The following SYT1 variants were observed in gnomAD, a reference collection of about 807,000 sequenced individuals.
The protein encoded by SYT1 is synaptotagmin-1.
SYT1 carries 8 observed loss-of-function variants against 44.8 expected under a neutral mutation model. That is an observed-to-expected ratio of 0.18 (90% confidence interval 0.10 to 0.32). The LOEUF (loss-of-function observed/expected upper bound fraction) is 0.32, where lower values mean the gene tolerates loss of function less well. SYT1 is among the 10% of genes least tolerant of loss of function. SYT1 has a pLI of 1.00. For synonymous variants in SYT1, 154 were observed against 188.8 expected, an observed-to-expected ratio of 0.82 and a Z score of 1.51; for missense variants, 286 against 509.3, an observed-to-expected ratio of 0.56 and a Z score of 4.22.
chr12:79,066,949 A>C (rs2137879678), intron 3 of SYT1, among the ~76,000 whole-genome samples: 1 of 152,212 alleles, frequency 6.6e-6, no homozygotes, highest in Non-Finnish European at 1.5e-5. Context: ...AAACCTTAAA[A>C]TTTTCAGGGA....
intron 3 of SYT1, among the ~76,000 whole-genome samples, chr12:79,084,068 C>A (rs1877221016): frequency 6.6e-6 from 1 of 152,070 alleles, no homozygotes; most frequent in South Asian, 2.1e-4. Flanking sequence ...GCTTTGAGAT[C>A]AGGTGTGGAG....
chr12:78,986,120 AC>A (rs1334151696), intron 2 of SYT1, among the ~76,000 whole-genome samples: 3 of 152,054 alleles, frequency 2.0e-5, no homozygotes, highest in Non-Finnish European at 4.4e-5. Flanking sequence ...ACTAGGAAGT[AC>A]ATTCAAACGG....
chr12:79,003,731 A>G (rs1870894651), intron 2 of SYT1, among the ~76,000 whole-genome samples: 1 of 151,898 alleles, frequency 6.6e-6, no homozygotes. Flanking sequence ...TGTTTTCTCA[A>G]TTTGTAAGTG....
chr12:79,227,454 A>G (rs2138602399), intron 4 of SYT1, among the ~76,000 whole-genome samples: 1 of 152,224 alleles, frequency 6.6e-6, no homozygotes, highest in Non-Finnish European at 1.5e-5. Flanking sequence ...GAGCTTCTTG[A>G]AGTAGAGTGC....
chr12:79,066,124 C>A (rs888898148), intron 3 of SYT1, among the ~76,000 whole-genome samples: 1 of 152,094 alleles, frequency 6.6e-6, no homozygotes, highest in Admixed American at 6.6e-5. Context: ...ACACACATAT[C>A]ATCCACCCAC....
At chr12:79,098,993 A>C (rs1878301072) in intron 3 of SYT1, among the ~76,000 whole-genome samples, 1 of 152,188 alleles carries the variant, frequency 6.6e-6, no homozygotes, top group Admixed American at 6.6e-5. Flanking sequence ...AATAATTCCA[A>C]AAAATGCAGC....
intron 1 of SYT1, among the ~76,000 whole-genome samples, chr12:78,966,572 G>A (rs1197726155): frequency 6.6e-6 from 1 of 152,110 alleles, no homozygotes; most frequent in African/African-American, 2.4e-5. Flanking sequence ...TTCAAAAGAT[G>A]TATGGCAAAC....
intron 8 of SYT1, among the ~76,000 whole-genome samples, chr12:79,309,219 C>G (rs113077467): frequency 9.2e-5 from 14 of 152,178 alleles, no homozygotes; most frequent in Admixed American, 6.5e-5. Context: ...TACTCCAAAA[C>G]ATTTTTGTAG....
At position 79,450,159 on chromosome 12, in the gene SYT1, T is replaced by G. The variant is rs1870972175; in HGVS notation, c.*1035T>G. 6.6e-6 allele frequency: 1 copy of G among 152,562 alleles called. No homozygotes were observed. The highest frequency in any genetic ancestry group is 2.1e-4 in the South Asian group (1 of 4,830). 9.5% of individuals were successfully genotyped at this position (152,562 alleles called of 1,614,324 possible). The stretch of plus-strand genomic sequence containing the variant: ...ACATTAGAGTTTGTAACAAAATATT[T>G]TATTATATAAAACCAGGTTAGAAGG... On this transcript the variant is annotated 3_prime_UTR_variant, in exon 11 of 11. Coordinates refer to ENST00000261205, the MANE Select transcript of SYT1 (RefSeq NM_005639.3).
intron 8 of SYT1, among the ~76,000 whole-genome samples, chr12:79,324,507 A>G (rs146993854): frequency 3.9e-5 from 6 of 152,330 alleles, no homozygotes; most frequent in African/African-American, 1.2e-4. Context: ...ACTTAGATCC[A>G]TCTGGTAAGA....
chr12:79,167,269 A>C (rs1871273543), intron 3 of SYT1, among the ~76,000 whole-genome samples: 1 of 152,074 alleles, frequency 6.6e-6, no homozygotes, highest in South Asian at 2.1e-4. Context: ...TCTACAAGAT[A>C]TAAAGGAAAT....
chr12:79,334,052 C>T (rs1054945013), intron 8 of SYT1, among the ~76,000 whole-genome samples: 3 of 152,070 alleles, frequency 2.0e-5, no homozygotes, highest in African/African-American at 4.8e-5. Flanking sequence ...TAATGAGAAA[C>T]CCAAATGTAT....
chr12:78,903,393 G>T (rs1416597458), intron 1 of SYT1, among the ~76,000 whole-genome samples: 1 of 151,664 alleles, frequency 6.6e-6, no homozygotes, highest in Admixed American at 6.6e-5. Context: ...TCAAGCTATC[G>T]TCCTGCCTCA....
intron 1 of SYT1, among the ~76,000 whole-genome samples, chr12:78,887,272 GTAGTCCTGGCAGT>G (rs1874800181): frequency 6.6e-6 from 1 of 151,938 alleles, no homozygotes; most frequent in African/African-American, 2.4e-5. Context: ...TAGTCACTTA[GTAGTCCTGGCAGT>G]TGTCACACTG....
intron 9 of SYT1, among the ~76,000 whole-genome samples, chr12:79,437,544 C>T (rs1285419606): frequency 2.0e-5 from 3 of 152,272 alleles, no homozygotes; most frequent in Admixed American, 1.3e-4. Flanking sequence ...ATGGCCTTAT[C>T]GTATAGCATA....
At chr12:79,086,474 C>G (rs527355944) in intron 3 of SYT1, among the ~76,000 whole-genome samples, 133 of 152,268 alleles carry the variant, frequency 8.7e-4, no homozygotes, top group African/African-American at 3.2e-3. Flanking sequence ...GAACTAATAG[C>G]ATTTTTGTTA....
At chr12:79,035,081 C>G (rs1451014056) in intron 2 of SYT1, among the ~76,000 whole-genome samples, 1 of 151,652 alleles carries the variant, frequency 6.6e-6, no homozygotes, top group Non-Finnish European at 1.5e-5. Context: ...GGGTATGGTA[C>G]TGAACTAAAC....
At chr12:79,132,049 T>G (rs1868857973) in intron 3 of SYT1, among the ~76,000 whole-genome samples, 1 of 152,208 alleles carries the variant, frequency 6.6e-6, no homozygotes, top group South Asian at 2.1e-4. Context: ...GAGTGAGTTT[T>G]CTTCCTATTA....
At chr12:79,350,175 A>G (rs1330155088) in intron 8 of SYT1, among the ~76,000 whole-genome samples, 3 of 152,016 alleles carry the variant, frequency 2.0e-5, no homozygotes, top group East Asian at 1.9e-4. Context: ...GGGATGACAC[A>G]GAAGTCCAGA....
Sources: gnomAD v4.1 joint callset for allele counts (sites outside exome capture counted in the v4.1 genomes callset) on GRCh38, gnomAD v4.1.1 for gene constraint, MANE v1.5 for transcripts, NCBI Gene and HGNC (gene_info 2026-07-23, HGNC 2026-07-21) for gene names.